The following ARHGAP10 variants were observed in gnomAD, a reference collection of about 807,000 sequenced individuals.
ARHGAP10 encodes rho GTPase-activating protein 10.
ARHGAP10 carries 87 observed loss-of-function variants against 108.6 expected under a neutral mutation model. The ratio of observed to expected loss-of-function variants is 0.80; its 90% CI spans 0.67 to 0.96. ARHGAP10 has a LOEUF of 0.96. Ranked by LOEUF, ARHGAP10 falls within the 40% of genes least tolerant of loss-of-function variation. ARHGAP10 has a pLI of 0.00. For missense variants in ARHGAP10, 939 were observed against 954.5 expected, an observed-to-expected ratio of 0.98 and a Z score of 0.21; for synonymous variants, 347 against 341.1, an observed-to-expected ratio of 1.02 and a Z score of -0.19.
At chr4:148,031,545 A>G (rs1472550670) in intron 19 of ARHGAP10, among the ~76,000 whole-genome samples, 1 of 152,232 alleles carries the variant, frequency 6.6e-6, no homozygotes, top group Non-Finnish European at 1.5e-5. Context: ...AGTGCTGAAC[A>G]TAAGGGCAAC....
At chr4:147,735,303 A>G (rs908911824) in intron 1 of ARHGAP10, among the ~76,000 whole-genome samples, 4 of 152,252 alleles carry the variant, frequency 2.6e-5, no homozygotes, top group African/African-American at 9.6e-5. Flanking sequence ...AACAAAGGAT[A>G]TAGACACATA....
chr4:147,925,064 G>T (rs1737409769), intron 13 of ARHGAP10, among the ~76,000 whole-genome samples: 1 of 151,806 alleles, frequency 6.6e-6, no homozygotes, highest in Admixed American at 6.6e-5. Context: ...AGAACAAACA[G>T]CAAAATTAAC....
intron 1 of ARHGAP10, among the ~76,000 whole-genome samples, chr4:147,766,105 AC>A (rs781041898): frequency 7.9e-5 from 12 of 151,922 alleles, no homozygotes; most frequent in Admixed American, 2.0e-4. Flanking sequence ...ACATGGTGAA[AC>A]CCTGTCTTTA....
At chr4:147,811,971 G>T (rs1222765627) in intron 1 of ARHGAP10, among the ~76,000 whole-genome samples, 1 of 152,174 alleles carries the variant, frequency 6.6e-6, no homozygotes, top group Non-Finnish European at 1.5e-5. Flanking sequence ...TATCAACGAG[G>T]CGGCTGAGCT....
chr4:147,819,076 G>A (rs1732379640), intron 1 of ARHGAP10, among the ~76,000 whole-genome samples: 1 of 152,208 alleles, frequency 6.6e-6, no homozygotes, highest in African/African-American at 2.4e-5. Context: ...TTATGCAAAT[G>A]AGCCCCAATT....
At chr4:147,872,099 CA>C (rs36205660) in intron 7 of ARHGAP10, among the ~76,000 whole-genome samples, 1,077 of 69,968 alleles carry the variant, frequency 0.015, 2 homozygotes, top group South Asian at 0.038. Flanking sequence ...GAGACTCGGT[CA>C]AAAAAAAAAA....
At chr4:147,966,297 A>G (rs560343699) in intron 17 of ARHGAP10, among the ~76,000 whole-genome samples, 1 of 152,378 alleles carries the variant, frequency 6.6e-6, no homozygotes, top group South Asian at 2.1e-4. Flanking sequence ...TCAAAAATCC[A>G]GTATTCCCTG....
rs189741552 is a variant in ARHGAP10, at chr4:148,035,021, T to C, written c.1867+11608T>C. Reference sequence around the variant, plus strand: ...TGAACTGGTCTTACTTGCTTTATAATTGAATTGCTGCAGATTTCCATCGAC... The same window carrying C: ...TGAACTGGTCTTACTTGCTTTATAACTGAATTGCTGCAGATTTCCATCGAC... On this transcript the variant is annotated intron_variant, in intron 19 of 22. Transcript: ENST00000336498. 3.9e-5 allele frequency among the ~76,000 whole-genome samples: 6 copies of C among 152,368 alleles called. No individual in the cohort carries two copies. In the East Asian group the frequency reaches 1.2e-3, roughly 29 times the overall value.
intron 22 of ARHGAP10, among the ~76,000 whole-genome samples, chr4:148,067,659 T>C (rs2149693763): frequency 6.6e-6 from 1 of 152,370 alleles, no homozygotes; most frequent in African/African-American, 2.4e-5. Flanking sequence ...TTCCTTTTTG[T>C]ACCTCATACA....
At chr4:147,892,233 G>T (rs2126887078) in intron 10 of ARHGAP10, among the ~76,000 whole-genome samples, 1 of 152,266 alleles carries the variant, frequency 6.6e-6, no homozygotes, top group African/African-American at 2.4e-5. Flanking sequence ...GTTTTACAGT[G>T]ATTTTATACC....
At position 147,822,952 on chromosome 4, in the gene ARHGAP10, A is replaced by T. The variant is rs775304817; in HGVS notation, c.307A>T (p.Ile103Phe). ...GAAGAATCTGGAGGAACAGAGAGAA[A>T]TTATGGTGAGTTGAGAGGGGTGTAA... ...FLKNLEEQRE[I>F]MALSVTETLI... The change falls in exon 3 of 23, where the codon ATT becomes TTT. Residue 103 changes from isoleucine (I) to phenylalanine (F), a missense_variant. Transcript: ENST00000336498. 2 of 1,613,092 alleles carry T rather than the reference A, an allele frequency of 1.2e-6. No homozygotes were observed. The highest frequency in any genetic ancestry group is 3.3e-5 in the Admixed American group (2 of 60,016).
intron 18 of ARHGAP10, among the ~76,000 whole-genome samples, chr4:148,015,582 G>A (rs1209542514): frequency 6.6e-6 from 1 of 152,154 alleles, no homozygotes; most frequent in African/African-American, 2.4e-5. Context: ...TTCTAGAAAA[G>A]ACCCTCATTT....
intron 13 of ARHGAP10, among the ~76,000 whole-genome samples, chr4:147,934,225 G>A (rs1200909408): frequency 6.6e-6 from 1 of 152,232 alleles, no homozygotes; most frequent in Non-Finnish European, 1.5e-5. Flanking sequence ...GAGGGCTGTA[G>A]CTAAGTCCCT....
At chr4:147,759,436 T>C (rs1204468796) in intron 1 of ARHGAP10, among the ~76,000 whole-genome samples, 1 of 152,180 alleles carries the variant, frequency 6.6e-6, no homozygotes, top group Non-Finnish European at 1.5e-5. Flanking sequence ...GGTGAAGGTG[T>C]AATGGCATGT....
At chr4:147,991,221 T>C (rs75682900) in intron 18 of ARHGAP10, among the ~76,000 whole-genome samples, 1 of 151,690 alleles carries the variant, frequency 6.6e-6, no homozygotes, top group Non-Finnish European at 1.5e-5. Context: ...TCTCTGGGTA[T>C]GTTAGCGGTC....
At chr4:147,739,892 C>T (rs1297921279) in intron 1 of ARHGAP10, among the ~76,000 whole-genome samples, 1 of 151,326 alleles carries the variant, frequency 6.6e-6, no homozygotes, top group Non-Finnish European at 1.5e-5. Context: ...CCTGCCACCA[C>T]ACCCGGCTAA....
chr4:147,933,592 G>A (rs989889436), intron 13 of ARHGAP10, among the ~76,000 whole-genome samples: 1 of 152,166 alleles, frequency 6.6e-6, no homozygotes, highest in Non-Finnish European at 1.5e-5. Flanking sequence ...GGCTTGCCAC[G>A]AGTCTCTTCA....
chr4:147,813,748 C>T (rs544860655), intron 1 of ARHGAP10, among the ~76,000 whole-genome samples: 1 of 152,314 alleles, frequency 6.6e-6, no homozygotes, highest in East Asian at 1.9e-4. Context: ...AAGTTGCTCA[C>T]ATGTTTTCCT....
chr4:147,959,442 T>C (rs1305055011), intron 16 of ARHGAP10, among the ~76,000 whole-genome samples: 1 of 152,138 alleles, frequency 6.6e-6, no homozygotes, highest in Non-Finnish European at 1.5e-5. Flanking sequence ...TATGTATACA[T>C]GTGCCATGTT....
Sources: allele counts gnomAD v4.1 joint callset (sites outside exome capture counted in the v4.1 genomes callset), GRCh38; gene constraint gnomAD v4.1.1; transcripts MANE v1.5; gene names NCBI Gene and HGNC (gene_info 2026-07-23, HGNC 2026-07-21).